Variants in VOPP1 observed in about 807,000 individuals in gnomAD.
VOPP1 encodes the protein VOPP1 WW domain binding protein.
In VOPP1, 8 loss-of-function variants were observed where a neutral mutation model predicts 23.5. The observed-to-expected ratio is 0.34, with a 90% CI of 0.20 to 0.61. VOPP1 has a LOEUF of 0.61. Among genes scored for constraint, VOPP1 ranks in the 20% least tolerant of loss-of-function variants. VOPP1 has a pLI of 0.78. For synonymous variants in VOPP1, 83 were observed against 97.3 expected (o/e 0.85, Z 0.86); for missense variants, 174 against 238.1 (o/e 0.73, Z 1.77).
At chr7:55,491,467 G>A (rs1167352035) in intron 4 of VOPP1, among the ~76,000 whole-genome samples, 1 of 152,182 alleles carries the variant, frequency 6.6e-6, no homozygotes, top group Non-Finnish European at 1.5e-5. Context: ...GAGCATGGCG[G>A]TGCAGACATC....
In VOPP1 at chr7:55,436,594, TTGTGCATGAGTGTG is replaced by T. The variant is rs542046870; in HGVS notation, n.418-434_418-421del. Among the ~76,000 whole-genome samples the T allele has an allele frequency of 9.2e-3, 1,363 of 148,926 alleles. 11 individuals are homozygous for T. Among genetic ancestry groups the T allele is most frequent in the Non-Finnish European group, 0.016 (1,037 of 66,692 alleles). The stretch of plus-strand genomic sequence containing the variant: ...TTGGCAGCCCTGGGCTTTCAGACAA[TTGTGCATGAGTGTG>T]TGTGCATGAGTGTGTGTGTGTGCGT... On this transcript the variant is annotated intron_variant and non_coding_transcript_variant, in intron 4 of 4. Coordinates refer to the VOPP1 transcript ENST00000462326.
intron 3 of VOPP1, among the ~76,000 whole-genome samples, chr7:55,495,118 A>T (rs1211990885): frequency 6.6e-6 from 1 of 152,020 alleles, no homozygotes; most frequent in African/African-American, 2.4e-5. Flanking sequence ...CTACTGTGCA[A>T]GCCCTGCCCA....
chr7:55,462,358 G>C (rs1791522221), intron 4 of VOPP1, among the ~76,000 whole-genome samples: 1 of 152,056 alleles, frequency 6.6e-6, no homozygotes, highest in African/African-American at 2.4e-5. Context: ...CAATCTATTT[G>C]GGTATCTTTA....
intron 1 of VOPP1, chr7:55,530,725 G>C (rs139722683): frequency 2.6e-5 from 4 of 152,310 alleles, no homozygotes; most frequent in African/African-American, 7.2e-5. Flanking sequence ...TTGCTGTATA[G>C]AAGAAAACTA....
chr7:55,501,570 G>A (rs958164535), intron 2 of VOPP1, among the ~76,000 whole-genome samples: 1 of 152,212 alleles, frequency 6.6e-6, no homozygotes, highest in Non-Finnish European at 1.5e-5. Context: ...TTCTGTCTAG[G>A]TGGCAATGGC....
chr7:55,449,996 T>C (rs1201386366), intron 4 of VOPP1, among the ~76,000 whole-genome samples: 1 of 152,190 alleles, frequency 6.6e-6, no homozygotes, highest in East Asian at 1.9e-4. Context: ...TGCGGTTGGA[T>C]GAGAAGCCAG....
At chr7:55,501,653 A>C (rs1794376402) in intron 2 of VOPP1, among the ~76,000 whole-genome samples, 1 of 152,214 alleles carries the variant, frequency 6.6e-6, no homozygotes, top group African/African-American at 2.4e-5. Context: ...CAAATTCTAG[A>C]AGATACAACA....
intron 4 of VOPP1, among the ~76,000 whole-genome samples, chr7:55,480,819 T>C (rs1434385634): frequency 6.6e-6 from 1 of 152,256 alleles, no homozygotes; most frequent in African/African-American, 2.4e-5. Flanking sequence ...GACTGAATTC[T>C]CACTGAGTGC....
chr7:55,537,530 T>C, intron 1 of VOPP1: 1 of 1,536,064 alleles, frequency 6.5e-7, no homozygotes, highest in Non-Finnish European at 8.7e-7. Context: ...CTTCGCATTC[T>C]GTTAGGCGCA....
intron 1 of VOPP1, among the ~76,000 whole-genome samples, chr7:55,559,987 C>T (rs1797931898): frequency 1.3e-5 from 2 of 152,280 alleles, no homozygotes; most frequent in South Asian, 4.1e-4. Context: ...ACCCCATCTC[C>T]ACTAAAAATA....
intron 1 of VOPP1, chr7:55,521,497 C>T (rs530601518): frequency 8.2e-5 from 84 of 1,028,588 alleles, no homozygotes; most frequent in Non-Finnish European, 9.2e-5. Context: ...CCCCCAATTT[C>T]TGTTTTAGAG....
At chr7:55,505,718 T>G (rs1794681549) in intron 2 of VOPP1, among the ~76,000 whole-genome samples, 1 of 146,516 alleles carries the variant, frequency 6.8e-6, no homozygotes, top group African/African-American at 2.6e-5. Context: ...AACTTGTACA[T>G]ATGATCAACA....
At chr7:55,449,950 G>A (rs1791202240) in intron 4 of VOPP1, among the ~76,000 whole-genome samples, 1 of 152,172 alleles carries the variant, frequency 6.6e-6, no homozygotes, top group South Asian at 2.1e-4. Flanking sequence ...TCACCCTTGA[G>A]GCGTAGCACC....
chr7:55,500,321 T>C (rs543354374), intron 2 of VOPP1, among the ~76,000 whole-genome samples: 3 of 152,324 alleles, frequency 2.0e-5, no homozygotes, highest in South Asian at 4.1e-4. Context: ...GGCTTTGAAA[T>C]AGTATTAATA....
chr7:55,551,778 G>A (rs1282224304), intron 1 of VOPP1, among the ~76,000 whole-genome samples: 2 of 152,058 alleles, frequency 1.3e-5, no homozygotes, highest in East Asian at 1.9e-4. Context: ...GGTGGCTCAC[G>A]CCTGTAATCC....
At chr7:55,442,684 G>T (rs764872526) in intron 4 of VOPP1, among the ~76,000 whole-genome samples, 29 of 151,690 alleles carry the variant, frequency 1.9e-4, no homozygotes, top group Non-Finnish European at 3.4e-4. Flanking sequence ...TCTGATCAAG[G>T]TTCTCTATCT....
chr7:55,488,653 C>A (rs1236541222), intron 4 of VOPP1, among the ~76,000 whole-genome samples: 2 of 152,166 alleles, frequency 1.3e-5, no homozygotes, highest in Non-Finnish European at 2.9e-5. Context: ...TGCGAGCCCC[C>A]CTACACCCCA....
chr7:55,484,876 T>C (rs1314075727), intron 4 of VOPP1, among the ~76,000 whole-genome samples: 20 of 152,164 alleles, frequency 1.3e-4, no homozygotes, highest in Admixed American at 1.3e-3. Context: ...GCCACCAGTC[T>C]GTGTAGTACT....
chr7:55,521,273 A>G, intron 1 of VOPP1, 143 bp from the exon 2 acceptor site: 1 of 827,784 alleles, frequency 1.2e-6, no homozygotes, highest in Non-Finnish European at 1.9e-6. Flanking sequence ...AATGCATTAC[A>G]GGGAGAGCCG....
Sources: allele counts gnomAD v4.1 joint callset (sites outside exome capture counted in the v4.1 genomes callset), GRCh38; gene constraint gnomAD v4.1.1; transcripts MANE v1.5; gene names NCBI Gene and HGNC (gene_info 2026-07-23, HGNC 2026-07-21).